The following PCGF5 variants were observed in gnomAD, a reference collection of about 807,000 sequenced individuals.
PCGF5 encodes polycomb group RING finger protein 5.
Under a neutral mutation model 44.3 loss-of-function variants are expected in PCGF5, and 9 were observed. The ratio of observed to expected loss-of-function variants is 0.20; its 90% CI spans 0.12 to 0.35. PCGF5 has a LOEUF of 0.35. PCGF5 is among the 10% of genes least tolerant of loss of function. PCGF5 has a pLI of 1.00. For missense variants in PCGF5, 146 were observed against 305.3 expected (o/e 0.48, Z 3.89); for synonymous variants, 95 against 102.5 (o/e 0.93, Z 0.44).
chr10:91,167,033 C>T (rs972053466), intron 1 of PCGF5, among the ~76,000 whole-genome samples: 3 of 152,098 alleles, frequency 2.0e-5, no homozygotes, highest in African/African-American at 7.2e-5. Flanking sequence ...TCTATGGTTT[C>T]AGAAACCAAT....
intron 1 of PCGF5, among the ~76,000 whole-genome samples, chr10:91,212,745 G>A (rs2133254933): frequency 6.6e-6 from 1 of 152,222 alleles, no homozygotes; most frequent in East Asian, 1.9e-4. Flanking sequence ...AAAAACAAGA[G>A]TTCTGTTTTA....
chr10:91,238,612 T>C (rs972940226), intron 2 of PCGF5, among the ~76,000 whole-genome samples: 37 of 131,152 alleles, frequency 2.8e-4, no homozygotes, highest in Middle Eastern at 3.8e-3. Context: ...TTTTTTTTTT[T>C]TTTTTTTTTT....
At chr10:91,168,645 C>T (rs1481787090) in intron 1 of PCGF5, among the ~76,000 whole-genome samples, 2 of 151,930 alleles carry the variant, frequency 1.3e-5, no homozygotes. Flanking sequence ...AAAAACAAAA[C>T]CGGCAGGGCA....
intron 6 of PCGF5, 44 bp downstream of exon 6, chr10:91,251,484 T>C (rs1427228465): frequency 6.4e-7 from 1 of 1,556,006 alleles, no homozygotes; most frequent in Non-Finnish European, 8.7e-7. Context: ...CAGTTTATAG[T>C]AAACCCTTGA....
At chr10:91,216,249 G>A (rs142163289), upstream of PCGF5, among the ~76,000 whole-genome samples, 6 of 152,312 alleles carry the variant, frequency 3.9e-5, no homozygotes, top group Admixed American at 2.6e-4. Flanking sequence ...CAGCTTTGAG[G>A]TGCCTGAGAA....
intron 1 of PCGF5, among the ~76,000 whole-genome samples, chr10:91,221,191 C>G (rs1481524212): frequency 6.6e-6 from 1 of 152,168 alleles, no homozygotes; most frequent in East Asian, 1.9e-4. Context: ...AGAAAAGTTC[C>G]CCCTTGCCCC....
intron 1 of PCGF5, among the ~76,000 whole-genome samples, chr10:91,170,677 C>G (rs1337378738): frequency 6.6e-6 from 1 of 152,214 alleles, no homozygotes; most frequent in Admixed American, 6.5e-5. Context: ...TCAAACAGTA[C>G]AGCTACTTTG....
At chr10:91,246,695 T>C (rs957882689) in intron 3 of PCGF5, among the ~76,000 whole-genome samples, 3 of 151,968 alleles carry the variant, frequency 2.0e-5, no homozygotes, top group Admixed American at 6.6e-5. Flanking sequence ...GGTGAGTAAA[T>C]GTGTAAATGA....
chr10:91,237,158 G>T (rs1668284550), intron 2 of PCGF5, among the ~76,000 whole-genome samples: 1 of 152,080 alleles, frequency 6.6e-6, no homozygotes, highest in South Asian at 2.1e-4. Flanking sequence ...TAATTAATAG[G>T]AATGTAGTAA....
intron 2 of PCGF5, among the ~76,000 whole-genome samples, chr10:91,237,576 C>G (rs555416292): frequency 6.6e-6 from 1 of 152,222 alleles, no homozygotes; most frequent in Non-Finnish European, 1.5e-5. Context: ...AACCCCGTCT[C>G]TACTAAAAAT....
chr10:91,281,309 C>T lies in PCGF5; in HGVS notation c.*2993C>T, dbSNP rs1004589358. 3 of 152,460 alleles carry T rather than the reference C, an allele frequency of 2.0e-5. No individual in the cohort carries two copies. 9.4% of individuals were successfully genotyped at this position (152,460 alleles called of 1,614,324 possible). ...ACATCTATCCCATAGTAATGTGCCA[C>T]ATTTTATAAACGTAATGACTTTGCT... On this transcript the variant is annotated 3_prime_UTR_variant, in exon 10 of 10. Transcript: ENST00000336126.
At chr10:91,221,825 A>G (rs1025004041) in intron 1 of PCGF5, among the ~76,000 whole-genome samples, 2 of 152,222 alleles carry the variant, frequency 1.3e-5, no homozygotes, top group African/African-American at 4.8e-5. Flanking sequence ...CTAACAAAGA[A>G]GGTAAAGAAT....
chr10:91,175,349 C>G (rs1843686001), intron 1 of PCGF5, among the ~76,000 whole-genome samples: 2 of 152,170 alleles, frequency 1.3e-5, no homozygotes, highest in African/African-American at 2.4e-5. Context: ...ATACTCCTCC[C>G]CAAGCCCAAA....
intron 8 of PCGF5, among the ~76,000 whole-genome samples, chr10:91,271,258 A>G (rs1413969816): frequency 6.6e-6 from 1 of 152,142 alleles, no homozygotes; most frequent in Non-Finnish European, 1.5e-5. Context: ...TTTCAGGGGA[A>G]GTTGAAGAAG....
chr10:91,156,529 C>T, the PCGF5 span, among the ~76,000 whole-genome samples: 1 of 152,166 alleles, frequency 6.6e-6, no homozygotes, highest in African/African-American at 2.4e-5. Context: ...CTGGTTCTAT[C>T]CACGAGAAAG....
intron 3 of PCGF5, among the ~76,000 whole-genome samples, chr10:91,243,896 A>C (rs185852369): frequency 2.0e-5 from 3 of 152,174 alleles, no homozygotes; most frequent in African/African-American, 7.2e-5. Flanking sequence ...TTATATTTCT[A>C]TTGGTCATCA....
intron 1 of PCGF5, among the ~76,000 whole-genome samples, chr10:91,198,183 G>A (rs1034485533): frequency 2.0e-5 from 3 of 152,142 alleles, no homozygotes; most frequent in East Asian, 3.9e-4. Flanking sequence ...TTGGATTTCC[G>A]TCTCTCTAAA....
chr10:91,238,530 A>C (rs1428844898), intron 2 of PCGF5, among the ~76,000 whole-genome samples: 1 of 151,610 alleles, frequency 6.6e-6, no homozygotes, highest in East Asian at 1.9e-4. Flanking sequence ...TTTGAACTAC[A>C]AAGATCAGAG....
intron 1 of PCGF5, among the ~76,000 whole-genome samples, chr10:91,195,481 T>G (rs201075264): frequency 5.3e-4 from 71 of 134,652 alleles, no homozygotes; most frequent in South Asian, 4.7e-3. Flanking sequence ...CATATATATA[T>G]ATATAGAGAG....
Sources: gnomAD v4.1 joint callset for allele counts (sites outside exome capture counted in the v4.1 genomes callset) on GRCh38, gnomAD v4.1.1 for gene constraint, MANE v1.5 for transcripts, NCBI Gene and HGNC (gene_info 2026-07-23, HGNC 2026-07-21) for gene names.